GRID1: variants seen among roughly 807,000 people sequenced by gnomAD.
GRID1 encodes glutamate receptor ionotropic, delta-1.
In GRID1, 28 loss-of-function variants were observed where a neutral mutation model predicts 98.0. The ratio of observed to expected loss-of-function variants is 0.29; its 90% CI spans 0.21 to 0.39. The LOEUF (loss-of-function observed/expected upper bound fraction) is 0.39, where lower values mean the gene tolerates loss of function less well. Ranked by LOEUF, GRID1 falls within the 10% of genes least tolerant of loss-of-function variation. The pLI, the probability that GRID1 is intolerant of heterozygous loss-of-function variation, is 1.00. For missense variants in GRID1, 1,111 were observed against 1,340.5 expected, an observed-to-expected ratio of 0.83 and a Z score of 2.67; for synonymous variants, 553 against 538.5, an observed-to-expected ratio of 1.03 and a Z score of -0.37.
chr10:86,327,637 AC>A (rs1316717610), intron 2 of GRID1, among the ~76,000 whole-genome samples: 1 of 152,252 alleles, frequency 6.6e-6, no homozygotes, highest in Non-Finnish European at 1.5e-5. Flanking sequence ...ATTTCTGTTA[AC>A]AAGATCTGCT....
Position 86,319,737 on chromosome 10 carries a change from G to T in GRID1, c.235+44204C>A, listed in dbSNP as rs1421652696. On this transcript the variant is annotated intron_variant, in intron 2 of 15. Transcript: ENST00000327946. ...TGGTGTCTGCAGAAGTTGCTGACGAGGACAGGGAGCGTGGTGAAAGCACTG... is the reference window on the plus strand; with the variant it reads ...TGGTGTCTGCAGAAGTTGCTGACGATGACAGGGAGCGTGGTGAAAGCACTG... 2.0e-5 allele frequency among the ~76,000 whole-genome samples: 3 copies of T among 152,244 alleles called. 1 individual carries two copies.
chr10:85,625,649 C>T (rs918992674), intron 13 of GRID1, among the ~76,000 whole-genome samples: 2 of 152,302 alleles, frequency 1.3e-5, no homozygotes, highest in African/African-American at 4.8e-5. Context: ...ATTCCCTTCT[C>T]AGTCTACCTG....
chr10:86,208,325 C>T (rs913031089), intron 2 of GRID1, among the ~76,000 whole-genome samples: 2 of 152,114 alleles, frequency 1.3e-5, no homozygotes, highest in African/African-American at 4.8e-5. Flanking sequence ...CTCACAGTCC[C>T]CCAGATGCCC....
chr10:85,646,054 C>T (rs1272838134), intron 13 of GRID1: 3 of 153,262 alleles, frequency 2.0e-5, no homozygotes, highest in African/African-American at 7.2e-5. Flanking sequence ...ACATCCACTG[C>T]TCTCTGCAGG....
chr10:85,728,125 G>C, intron 9 of GRID1, 73 bp from the exon 10 acceptor site: 1 of 1,071,358 alleles, frequency 9.3e-7, no homozygotes, highest in Non-Finnish European at 1.5e-6. Context: ...TGTAATGTTA[G>C]AGAGAAAGAT....
chr10:86,327,874 A>C (rs551742680), intron 2 of GRID1, among the ~76,000 whole-genome samples: 1 of 152,392 alleles, frequency 6.6e-6, no homozygotes, highest in South Asian at 2.1e-4. Flanking sequence ...GCCATTTTTA[A>C]ATTAAATGTG....
chr10:86,221,280 C>A (rs1306165790), intron 2 of GRID1, among the ~76,000 whole-genome samples: 8 of 152,172 alleles, frequency 5.3e-5, no homozygotes, highest in African/African-American at 1.9e-4. Context: ...CAGAGAGGAA[C>A]TTTAGAGAAT....
intron 12 of GRID1, among the ~76,000 whole-genome samples, chr10:85,654,317 A>C (rs1216420520): frequency 1.3e-5 from 2 of 152,264 alleles, no homozygotes; most frequent in Admixed American, 6.5e-5. Context: ...ATATTTACAT[A>C]CTTGTAAAAA....
intron 4 of GRID1, among the ~76,000 whole-genome samples, chr10:86,025,491 A>G (rs1163852405): frequency 6.6e-6 from 1 of 152,142 alleles, no homozygotes; most frequent in African/African-American, 2.4e-5. Context: ...AGTAGTCACA[A>G]TCAAGGGGTT....
At chr10:86,348,672 C>T (rs377047139) in intron 2 of GRID1, among the ~76,000 whole-genome samples, 1 of 152,234 alleles carries the variant, frequency 6.6e-6, no homozygotes, top group African/African-American at 2.4e-5. Flanking sequence ...GCACGTAGCA[C>T]GTCCACGTGA....
chr10:86,194,677 C>T (rs1251289671), intron 3 of GRID1, among the ~76,000 whole-genome samples: 1 of 152,096 alleles, frequency 6.6e-6, no homozygotes, highest in East Asian at 1.9e-4. Context: ...AATCCCAAAG[C>T]AGGGTGGTCT....
At chr10:85,629,500 T>C (rs1334422675) in intron 13 of GRID1, among the ~76,000 whole-genome samples, 1 of 152,174 alleles carries the variant, frequency 6.6e-6, no homozygotes, top group Admixed American at 6.5e-5. Context: ...TTTCTGTTTC[T>C]GAATTATTTC....
chr10:85,929,546 T>G (rs1841821549), intron 4 of GRID1, among the ~76,000 whole-genome samples: 1 of 152,238 alleles, frequency 6.6e-6, no homozygotes, highest in Non-Finnish European at 1.5e-5. Context: ...AAAATTTAAA[T>G]ATCAAAAACT....
chr10:86,014,613 G>A (rs573484411), intron 4 of GRID1, among the ~76,000 whole-genome samples: 2 of 152,336 alleles, frequency 1.3e-5, no homozygotes, highest in Admixed American at 6.5e-5. Context: ...GGGAAAAGCA[G>A]ATTTAGGCAT....
In GRID1 at chr10:85,983,464, C is replaced by T. The variant is rs114775213; in HGVS notation, c.727-67225G>A. Reference sequence around the variant, plus strand: ...CCCAGTTCACAGTGCTGCACAATCCCGGAAATTAGCCTAGTTAATTTTTGC... The same window carrying T: ...CCCAGTTCACAGTGCTGCACAATCCTGGAAATTAGCCTAGTTAATTTTTGC... On this transcript the variant is annotated intron_variant, in intron 4 of 15. Transcript: ENST00000327946. Among the ~76,000 whole-genome samples the T allele has an allele frequency of 4.1e-3, 626 of 152,304 alleles. 5 individuals carry two copies. Among genetic ancestry groups the T allele is most frequent in the African/African-American group, 0.014 (599 of 41,550 alleles).
rs144208792 is a variant in GRID1 at position 85,922,014 on chromosome 10, G to A, written c.727-5775C>T. Among the ~76,000 whole-genome samples, 413 of 152,244 alleles carry A rather than the reference G, an allele frequency of 2.7e-3. 5 individuals are homozygous for A. Among genetic ancestry groups the A allele is most frequent in the African/African-American group, 7.7e-3 (319 of 41,544 alleles). On this transcript the variant is annotated intron_variant, in intron 4 of 15. Transcript: ENST00000327946. ...GGAACTGATACCTCAATCTAGACTC[G>A]TATCTTGCAGAAGGTCCCTTAGCCA...
intron 12 of GRID1, among the ~76,000 whole-genome samples, chr10:85,697,475 T>C (rs1360418140): frequency 2.0e-5 from 3 of 152,176 alleles, no homozygotes; most frequent in Non-Finnish European, 2.9e-5. Flanking sequence ...ATCTTTACCT[T>C]CTCTCTCAAT....
intron 2 of GRID1, among the ~76,000 whole-genome samples, chr10:86,353,133 A>G (rs560574044): frequency 3.3e-5 from 5 of 152,332 alleles, no homozygotes; most frequent in African/African-American, 9.6e-5. Flanking sequence ...CACAGGGAAC[A>G]AAAGCGACCA....
intron 12 of GRID1, chr10:85,647,939 A>G (rs1843217343): frequency 6.5e-6 from 1 of 152,874 alleles, no homozygotes. Context: ...GTAAATTAAG[A>G]GGCATCCCCT....
Sources: allele counts gnomAD v4.1 joint callset (sites outside exome capture counted in the v4.1 genomes callset), GRCh38; gene constraint gnomAD v4.1.1; transcripts MANE v1.5; gene names NCBI Gene and HGNC (gene_info 2026-07-23, HGNC 2026-07-21).